Variants in CDH23 observed in about 807,000 individuals in gnomAD.
CDH23 encodes the protein cadherin related 23.
A neutral mutation model predicts 317.1 loss-of-function variants in CDH23; 189 were observed. The ratio of observed to expected loss-of-function variants is 0.60; its 90% confidence interval spans 0.53 to 0.67. The LOEUF is 0.67. Among genes scored for constraint, CDH23 ranks in the 30% least tolerant of loss-of-function variants. CDH23 has a pLI of 0.00. For synonymous variants in CDH23, 1,839 were observed against 1,876.8 expected (o/e 0.98, Z 0.52); for missense variants, 4,401 against 4,592.4 (o/e 0.96, Z 1.20).
intron 50 of CDH23, 86 bp from the exon 51 acceptor site, chr10:71,799,025 G>A (rs997797060): frequency 3.5e-5 from 46 of 1,323,126 alleles, no homozygotes; most frequent in Non-Finnish European, 4.5e-5. Context: ...GCTGCCCCTC[G>A]GAGTCCAGGT....
chr10:71,720,349 C>T (rs990052858), intron 28 of CDH23, among the ~76,000 whole-genome samples: 3 of 151,950 alleles, frequency 2.0e-5, no homozygotes, highest in South Asian at 2.1e-4. Flanking sequence ...ATAGGACTGA[C>T]GGACCTCCAA....
chr10:71,448,160 C>T (rs188965795), intron 3 of CDH23, among the ~76,000 whole-genome samples: 41 of 152,254 alleles, frequency 2.7e-4, no homozygotes, highest in African/African-American at 8.4e-4. Context: ...AGGTTCTGAG[C>T]GTGGGGTCCT....
At chr10:71,509,102 A>G (rs1210330474) in intron 3 of CDH23, among the ~76,000 whole-genome samples, 1 of 152,160 alleles carries the variant, frequency 6.6e-6, no homozygotes, top group East Asian at 1.9e-4. Context: ...GTAAGGGATG[A>G]CACCTGCCTC....
intron 38 of CDH23, chr10:71,749,114 A>T (rs1054396795): frequency 6.6e-6 from 1 of 152,052 alleles, no homozygotes; most frequent in African/African-American, 2.4e-5. Context: ...TCTCTGCCTC[A>T]AGGTCAGCAG....
At chr10:71,693,870 G>C (rs1865275026) in intron 20 of CDH23, among the ~76,000 whole-genome samples, 1 of 152,086 alleles carries the variant, frequency 6.6e-6, no homozygotes, top group South Asian at 2.1e-4. Context: ...CTAACCCCGA[G>C]AATCAGCCTA....
chr10:71,443,417 G>C (rs1849995227), intron 2 of CDH23, among the ~76,000 whole-genome samples: 1 of 152,238 alleles, frequency 6.6e-6, no homozygotes, highest in Non-Finnish European at 1.5e-5. Flanking sequence ...GTTTACCCCT[G>C]TGTGTGGGAA....
At position 71,484,964 on chromosome 10, in the gene CDH23, G is replaced by T. The variant is rs545219235; in HGVS notation, c.146-25118G>T. 2.0e-5 allele frequency among the ~76,000 whole-genome samples: 3 copies of T among 151,744 alleles called. 1 individual carries two copies. In the South Asian group the frequency reaches 6.5e-4, roughly 33 times the overall value. ...ATTGGCTGCAAGTTACAGAAAATTG[G>T]CTGGCAGTGGTGTCCACAAATAGGG... is the stretch of plus-strand genomic sequence containing the variant. On this transcript the variant is annotated intron_variant, in intron 3 of 69. Transcript: ENST00000224721.
At chr10:71,722,159 G>A (rs572832210) in intron 28 of CDH23, among the ~76,000 whole-genome samples, 18 of 152,298 alleles carry the variant, frequency 1.2e-4, no homozygotes, top group African/African-American at 3.9e-4. Context: ...TCTTAGGCAG[G>A]GCCAGACATG....
chr10:71,801,150 C>CTTTTTTTTT (rs386371783), intron 53 of CDH23, among the ~76,000 whole-genome samples: 33 of 73,982 alleles, frequency 4.5e-4, no homozygotes, highest in South Asian at 5.8e-4. Flanking sequence ...CTCTCTCTCT[C>CTTTTTTTTT]TTTTTTTTTT....
chr10:71,620,987 G>A (rs1446924689), intron 11 of CDH23, among the ~76,000 whole-genome samples: 3 of 152,184 alleles, frequency 2.0e-5, no homozygotes, highest in Admixed American at 6.5e-5. Flanking sequence ...TATAGGGGAG[G>A]CCCCATCATG....
chr10:71,456,293 T>G (rs1192989635), intron 3 of CDH23, among the ~76,000 whole-genome samples: 1 of 151,258 alleles, frequency 6.6e-6, no homozygotes, highest in Non-Finnish European at 1.5e-5. Flanking sequence ...AGGACTTTTC[T>G]CTCCCTTCTA....
At chr10:71,423,696 C>T (rs539506923) in intron 1 of CDH23, among the ~76,000 whole-genome samples, 1 of 152,286 alleles carries the variant, frequency 6.6e-6, no homozygotes, top group South Asian at 2.1e-4. Flanking sequence ...GGGGCCTCAG[C>T]ACTGCAGGGT....
At chr10:71,712,425 A>C (rs1243583604) in intron 27 of CDH23, 1 of 488,148 alleles carries the variant, frequency 2.0e-6, no homozygotes, top group Non-Finnish European at 3.7e-6. Flanking sequence ...TGTCTGCTTC[A>C]TGGGGTTGCT....
chr10:71,398,534 C>T (rs1164602323), intron 1 of CDH23, among the ~76,000 whole-genome samples: 2 of 146,044 alleles, frequency 1.4e-5, no homozygotes, highest in Non-Finnish European at 3.0e-5. Flanking sequence ...TGGGGTGGGG[C>T]GGGCTTTAAG....
chr10:71,615,012 T>A (rs1240364996), intron 9 of CDH23, among the ~76,000 whole-genome samples: 1 of 152,178 alleles, frequency 6.6e-6, no homozygotes, highest in Non-Finnish European at 1.5e-5. Context: ...AAACTTTACA[T>A]CACGGTCATA....
intron 66 of CDH23, 67 bp from the exon 67 acceptor site, chr10:71,812,412 AG>A: frequency 6.2e-7 from 1 of 1,609,200 alleles, no homozygotes; most frequent in Non-Finnish European, 8.5e-7. Context: ...ATGTGGGGTG[AG>A]GCTGGAAGGG....
intron 11 of CDH23, among the ~76,000 whole-genome samples, chr10:71,619,154 G>A (rs1430680136): frequency 6.6e-6 from 1 of 152,090 alleles, no homozygotes; most frequent in Non-Finnish European, 1.5e-5. Flanking sequence ...GGGCAACACG[G>A]TGAAACCCCA....
At chr10:71,781,608 A>G (rs1840956184) in intron 41 of CDH23, among the ~76,000 whole-genome samples, 1 of 152,182 alleles carries the variant, frequency 6.6e-6, no homozygotes, top group Non-Finnish European at 1.5e-5. Flanking sequence ...TTTAAGCCAC[A>G]AGCGAAACTT....
chr10:71,741,877 C>A lies in CDH23; in HGVS notation c.4801C>A (p.His1601Asn). 6.2e-7 allele frequency: 1 copy of A among 1,609,810 alleles called. No homozygotes were observed. Among genetic ancestry groups the A allele is most frequent in the South Asian group, 1.1e-5 (1 of 90,160 alleles). ...TGACCGCGAGCGCCAGAGCTTCTAC[C>A]ACCTGGTGGCCACTGTGGAGGACGA... ...PPDRERQSFY[H>N]LVATVEDEGT... Residue 1601 changes from histidine to asparagine, a missense_variant, in exon 38 of 70, where the codon CAC (histidine) becomes AAC (asparagine). Transcript: ENST00000224721.
Sources: gnomAD v4.1 joint callset for allele counts (sites outside exome capture counted in the v4.1 genomes callset) on GRCh38, gnomAD v4.1.1 for gene constraint, MANE v1.5 for transcripts, NCBI Gene and HGNC (gene_info 2026-07-23, HGNC 2026-07-21) for gene names.